The following REV3L variants were observed in gnomAD, a reference collection of about 807,000 sequenced individuals.
The protein encoded by REV3L is DNA polymerase zeta catalytic subunit.
Under a neutral mutation model 299.4 loss-of-function variants are expected in REV3L, and 69 were observed. The ratio of observed to expected loss-of-function variants is 0.23; its 90% CI spans 0.19 to 0.28. The LOEUF (loss-of-function observed/expected upper bound fraction) is 0.28, where lower values mean the gene tolerates loss of function less well. Ranked by LOEUF, REV3L falls within the 10% of genes least tolerant of loss-of-function variation. REV3L has a pLI of 1.00. For missense variants in REV3L, 3,128 were observed against 3,693.8 expected (o/e 0.85, Z 3.97); for synonymous variants, 1,238 against 1,271.4 (o/e 0.97, Z 0.56).
rs117103128 is a variant in REV3L at position 111,465,694 on chromosome 6, G to A, written c.139+17056C>T. Among the ~76,000 whole-genome samples, 347 of 126,140 alleles carry A rather than the reference G, an allele frequency of 2.8e-3. 4 individuals are homozygous for A. The East Asian group carries it at 0.034, about 13-fold the overall frequency. The allele number at this position is 126,140 out of a possible 152,430, so 82.8% of individuals were successfully genotyped here. A position where few individuals can be genotyped will look rare whatever the true frequency, so the allele number is the denominator to read the frequency against. On this transcript the variant is annotated intron_variant, in intron 1 of 31. Coordinates refer to ENST00000368802, the MANE Select transcript of REV3L (RefSeq NM_001372078.1). ...GTTGCAGTGAGCTGAGATCGCGCCC[G>A]AGCACTCTAGCCTGGGCAACAAAGC...
At position 111,380,061 on chromosome 6, in the gene REV3L, C is replaced by G; in HGVS notation, c.1375G>C (p.Glu459Gln). The G allele has an allele frequency of 6.2e-7, 1 of 1,613,976 alleles. No homozygotes were observed. Among genetic ancestry groups the G allele is most frequent in the Non-Finnish European group, 8.5e-7 (1 of 1,179,964 alleles). Residue 459 changes from glutamate (E) to glutamine (Q), a missense_variant, in exon 11 of 32, where the codon GAA (glutamate) becomes CAA (glutamine). Around this residue, in one of 9 missense-constraint regions of REV3L, gnomAD observed 2,409 missense variants for 2,611.8 expected, o/e 0.92. Transcript: ENST00000368802. Reference sequence around the variant, plus strand: ...AAACTAAGCTCCATTTCCTCTTTTTCAATCTGTGGTTCATTTTCTTCATCA... The same window carrying G: ...AAACTAAGCTCCATTTCCTCTTTTTGAATCTGTGGTTCATTTTCTTCATCA... ...SDDEENEPQI[E>Q]KEEMELSLVM...
chr6:111,373,033 T>G lies in REV3L; in HGVS notation c.5322A>C (p.Lys1774Asn). The G allele has an allele frequency of 6.2e-7, 1 of 1,614,146 alleles. No homozygotes were observed. Among genetic ancestry groups the G allele is most frequent in the South Asian group, 1.1e-5 (1 of 91,076 alleles). ...TTACTGAACTCCTATTCAATCTAGATTTTTCACTTAGACAGTCTTCTGCCT... is the reference window on the plus strand; with the variant it reads ...TTACTGAACTCCTATTCAATCTAGAGTTTTCACTTAGACAGTCTTCTGCCT... ...VQQAEDCLSE[K>N]SRLNRSSVSK... Residue 1774 changes from lysine to asparagine, a missense_variant, in exon 13 of 32, where the codon AAA becomes AAC. Lys to Asn is a moderately conservative substitution (Grantham distance 94). Coordinates refer to ENST00000368802, the MANE Select transcript of REV3L (RefSeq NM_001372078.1).
chr6:111,307,655 GCATT>G lies in REV3L; in HGVS notation c.9043-89_9043-86del, dbSNP rs1241877035. The stretch of plus-strand genomic sequence containing the variant: ...TCATGCTAATTACAGGTTTACTCAG[GCATT>G]CATTCATTCGTTCATTCACTCATTC... On this transcript the variant is annotated intron_variant, in intron 30 of 31. Transcript: ENST00000368802. 1.5e-5 allele frequency: 19 copies of G among 1,277,974 alleles called. No individual in the cohort carries two copies. The South Asian group carries it at 2.3e-4, about 15-fold the overall frequency. The allele number at this position is 1,277,974 out of a possible 1,614,324, so 79.2% of individuals were successfully genotyped here. A position where few individuals can be genotyped will look rare whatever the true frequency, so the allele number is the denominator to read the frequency against.
intron 1 of REV3L, among the ~76,000 whole-genome samples, chr6:111,453,576 CT>C (rs2128318777): frequency 6.6e-6 from 1 of 152,330 alleles, no homozygotes; most frequent in East Asian, 1.9e-4. Flanking sequence ...CATACTGCCT[CT>C]CTTTTACCAC....
At chr6:111,366,992 G>A (rs1324100978) in intron 14 of REV3L, 123 bp downstream of exon 14, 14 of 762,942 alleles carry the variant, frequency 1.8e-5, no homozygotes, top group South Asian at 1.3e-4. Flanking sequence ...AAGACATGAC[G>A]AAAAATATTT....
At chr6:111,413,487 G>A (rs1423141451) in intron 2 of REV3L, among the ~76,000 whole-genome samples, 2 of 152,064 alleles carry the variant, frequency 1.3e-5, no homozygotes, top group Admixed American at 6.6e-5. Flanking sequence ...AGGAATCCCA[G>A]AAATTAGCCC....
intron 2 of REV3L, among the ~76,000 whole-genome samples, chr6:111,414,589 G>C (rs1784568474): frequency 6.6e-6 from 1 of 152,080 alleles, no homozygotes; most frequent in South Asian, 2.1e-4. Flanking sequence ...ATACTATCAT[G>C]GTCCAGAGGA....
At chr6:111,415,307 C>T (rs1784636180) in intron 2 of REV3L, among the ~76,000 whole-genome samples, 1 of 152,118 alleles carries the variant, frequency 6.6e-6, no homozygotes, top group African/African-American at 2.4e-5. Flanking sequence ...GCCGGCATAG[C>T]CACCAGACCT....
chr6:111,408,974 C>T (rs1469142574), intron 3 of REV3L, among the ~76,000 whole-genome samples: 4 of 152,108 alleles, frequency 2.6e-5, no homozygotes, highest in African/African-American at 9.7e-5. Flanking sequence ...TGTGAGCCAC[C>T]GTGCCCCACC....
In REV3L at chr6:111,477,590, C is replaced by A. The variant is rs571705397; in HGVS notation, c.139+5160G>T. 7.2e-5 allele frequency among the ~76,000 whole-genome samples: 11 copies of A among 152,246 alleles called. No individual in the cohort carries two copies. The East Asian group carries it at 2.1e-3, about 29-fold the overall frequency. On this transcript the variant is annotated intron_variant, in intron 1 of 31. Coordinates refer to ENST00000368802, the MANE Select transcript of REV3L (RefSeq NM_001372078.1). Reference sequence around the variant, plus strand: ...GAACAAGGGACTGAGATAAGGCCAACAAGGCTGGAACAAAAAGAGTAAGTC... The same window carrying A: ...GAACAAGGGACTGAGATAAGGCCAAAAAGGCTGGAACAAAAAGAGTAAGTC...
At chr6:111,433,376 A>G (rs1405495382) in intron 1 of REV3L, among the ~76,000 whole-genome samples, 1 of 152,172 alleles carries the variant, frequency 6.6e-6, no homozygotes, top group Non-Finnish European at 1.5e-5. Flanking sequence ...AACTGAGACC[A>G]CAGAAATACA....
intron 1 of REV3L, among the ~76,000 whole-genome samples, chr6:111,416,845 A>G (rs1293775793): frequency 6.6e-6 from 1 of 152,218 alleles, no homozygotes; most frequent in African/African-American, 2.4e-5. Context: ...AAAGTTTACT[A>G]AATAAATCAA....
rs1780680531 is a variant in REV3L at position 111,380,148 on chromosome 6, T to C, written c.1288A>G (p.Arg430Gly). 6.2e-7 allele frequency: 1 copy of C among 1,614,110 alleles called. No individual in the cohort carries two copies. The highest frequency in any genetic ancestry group is 8.5e-7 in the Non-Finnish European group (1 of 1,179,980). Reference protein sequence around the residue: ...GLESDGYRGERNRMPSPCRSF... With the variant: ...GLESDGYRGEGNRMPSPCRSF... ...CGACATGGTGATGGCATCCTATTTCTTTCCCCCCGATATCCATCACTTTCC... is the reference window on the plus strand; with the variant it reads ...CGACATGGTGATGGCATCCTATTTCCTTCCCCCCGATATCCATCACTTTCC... The change falls in exon 11 of 32, where the codon AGA (arginine) becomes GGA (glycine). Residue 430 changes from arginine (R) to glycine (G), a missense_variant. Arg to Gly is a moderately radical substitution (Grantham distance 125). This residue lies in a region of REV3L where 2,409 missense variants were observed against 2,611.8 expected (regional missense o/e 0.92). Transcript: ENST00000368802.
rs987445316 is a variant in REV3L, at chr6:111,431,073, A to T, written c.140-14601T>A. The T allele has an allele frequency of 6.7e-6, 10 of 1,497,074 alleles. No homozygotes were observed. In the Admixed American group the frequency reaches 1.7e-4, roughly 25 times the overall value. 92.7% of individuals were successfully genotyped at this position (1,497,074 alleles called of 1,614,324 possible). On this transcript the variant is annotated intron_variant, in intron 1 of 31. Coordinates refer to ENST00000368802, the MANE Select transcript of REV3L (RefSeq NM_001372078.1). ...CTTATGCACCGCATTATGACTCCAC[A>T]TATGCAAATATCAACAAGAATGATT...
intron 2 of REV3L, among the ~76,000 whole-genome samples, chr6:111,415,408 C>T (rs1356295400): frequency 6.6e-6 from 1 of 152,084 alleles, no homozygotes; most frequent in African/African-American, 2.4e-5. Flanking sequence ...TAAGAGTAGC[C>T]TATGGAAAGC....
At chr6:111,378,729 T>C (rs925978952) in intron 11 of REV3L, among the ~76,000 whole-genome samples, 1 of 152,204 alleles carries the variant, frequency 6.6e-6, no homozygotes, top group African/African-American at 2.4e-5. Flanking sequence ...ATTCCTATTT[T>C]GTTCTCTGTA....
intron 21 of REV3L, among the ~76,000 whole-genome samples, chr6:111,338,905 GCA>G (rs1776210380): frequency 6.6e-6 from 1 of 152,092 alleles, no homozygotes; most frequent in African/African-American, 2.4e-5. Flanking sequence ...TTGGTTGACA[GCA>G]CAGACTTTGG....
intron 18 of REV3L, among the ~76,000 whole-genome samples, chr6:111,352,776 T>C (rs1777705563): frequency 6.6e-6 from 1 of 152,164 alleles, no homozygotes; most frequent in Non-Finnish European, 1.5e-5. Flanking sequence ...GTGCTCCTCG[T>C]GGTCAGAGCT....
chr6:111,373,391 G>A lies in REV3L; in HGVS notation c.4964C>T (p.Thr1655Ile). 6.2e-7 allele frequency: 1 copy of A among 1,613,704 alleles called. No homozygotes were observed. Among genetic ancestry groups the A allele is most frequent in the Non-Finnish European group, 8.5e-7 (1 of 1,179,902 alleles). ...TCCAGAATAAAAGCTACAAAATCCA[G>A]TCTGACCTATTGTGTTAATATCAAA... Reference protein sequence around the residue: ...YNFDINTIGQTGFCSFYSGSQ... With the variant: ...YNFDINTIGQIGFCSFYSGSQ... The change falls in exon 13 of 32, where the codon ACT becomes ATT. Residue 1655 changes from threonine (T) to isoleucine (I), a missense_variant. Transcript: ENST00000368802.
Sources: gnomAD v4.1 joint callset for allele counts (sites outside exome capture counted in the v4.1 genomes callset) on GRCh38, gnomAD v4.1.1 for gene constraint, gnomAD v4.1.1 regional missense constraint, MANE v1.5 for transcripts, NCBI Gene and HGNC (gene_info 2026-07-23, HGNC 2026-07-21) for gene names.